IQGAP2: variants seen among roughly 807,000 people sequenced by gnomAD.
The protein encoded by IQGAP2 is ras GTPase-activating-like protein IQGAP2.
A neutral mutation model predicts 201.3 loss-of-function variants in IQGAP2; 173 were observed. That is an observed-to-expected ratio of 0.86 (90% CI 0.76 to 0.98). The LOEUF is 0.98. IQGAP2 is among the 50% of genes least tolerant of loss of function. IQGAP2 has a pLI of 0.00. For missense variants in IQGAP2, 1,687 were observed against 1,864.8 expected, an observed-to-expected ratio of 0.90 and a Z score of 1.76; for synonymous variants, 675 against 673.9, an observed-to-expected ratio of 1.00 and a Z score of -0.03.
chr5:76,460,860 C>CTT (rs61258350), intron 1 of IQGAP2, among the ~76,000 whole-genome samples: 10 of 113,544 alleles, frequency 8.8e-5, no homozygotes, highest in South Asian at 2.9e-4. Flanking sequence ...TTGCACACTG[C>CTT]TTTTTTTTTT....
intron 2 of IQGAP2, among the ~76,000 whole-genome samples, chr5:76,552,895 T>C (rs143457407): frequency 6.6e-6 from 1 of 152,354 alleles, no homozygotes; most frequent in African/African-American, 2.4e-5. Context: ...ATATGTTGAT[T>C]CTTTTCATGG....
chr5:76,693,551 G>A, intron 31 of IQGAP2, 109 bp downstream of exon 31: 1 of 727,696 alleles, frequency 1.4e-6, no homozygotes, highest in South Asian at 1.8e-5. Context: ...ACATGGTCCG[G>A]AAGTAAGGAA....
chr5:76,545,334 C>T (rs974576273), intron 2 of IQGAP2, among the ~76,000 whole-genome samples: 1 of 152,134 alleles, frequency 6.6e-6, no homozygotes, highest in African/African-American at 2.4e-5. Flanking sequence ...GTTTCCACTA[C>T]AATTTTAAAA....
chr5:76,521,779 A>G (rs1364952712), intron 2 of IQGAP2, among the ~76,000 whole-genome samples: 2 of 152,220 alleles, frequency 1.3e-5, no homozygotes, highest in Non-Finnish European at 2.9e-5. Context: ...TTGTTAGAAC[A>G]CAGATGATTG....
At chr5:76,683,286 T>C (rs1745466632) in intron 29 of IQGAP2, 69 bp downstream of exon 29, 1 of 994,668 alleles carries the variant, frequency 1.0e-6, no homozygotes, top group Non-Finnish European at 1.5e-6. Context: ...GGTTGGTTCG[T>C]TGGTTTTCCT....
intron 2 of IQGAP2, among the ~76,000 whole-genome samples, chr5:76,473,099 T>TTACAAC (rs1755211024): frequency 6.6e-6 from 1 of 152,212 alleles, no homozygotes; most frequent in African/African-American, 2.4e-5. Context: ...ACAACCTAGG[T>TTACAAC]CTTTCTGACT....
intron 21 of IQGAP2, 149 bp downstream of exon 21, chr5:76,658,816 A>G (rs996668519): frequency 2.8e-5 from 21 of 746,176 alleles, no homozygotes; most frequent in Non-Finnish European, 4.5e-5. Flanking sequence ...ACTTACCTAA[A>G]CATAGATGGT....
rs988541543 is a variant in IQGAP2 at position 76,562,646 on chromosome 5, A to T, written c.303+94A>T. On this transcript the variant is annotated intron_variant, in intron 3 of 35. Transcript: ENST00000274364. ...TTCTTTTACTCTTAGTGTTTCTGTA[A>T]GGATTTGGGGGGCTGGGGGATGTCT... 3 of 1,177,606 alleles carry T rather than the reference A, an allele frequency of 2.5e-6. No homozygotes were observed. The African/African-American group carries it at 4.6e-5, about 18-fold the overall frequency. The allele number at this position is 1,177,606 out of a possible 1,614,324, so 72.9% of individuals were successfully genotyped here. A position where few individuals can be genotyped will look rare whatever the true frequency, so the allele number is the denominator to read the frequency against.
intron 5 of IQGAP2, among the ~76,000 whole-genome samples, chr5:76,583,192 T>C (rs1745995979): frequency 6.6e-6 from 1 of 152,212 alleles, no homozygotes; most frequent in Non-Finnish European, 1.5e-5. Flanking sequence ...GTTTTTTAGA[T>C]TAAGACTTGA....
At position 76,644,295 on chromosome 5, in the gene IQGAP2, C is replaced by CTTTTTTTTTTTTTTTTT. The variant is rs547155944; in HGVS notation, c.2094+3198_2094+3214dup. 3.1e-3 allele frequency among the ~76,000 whole-genome samples: 147 copies of CTTTTTTTTTTTTTTTTT among 47,744 alleles called. 28 individuals carry two copies. The highest frequency in any genetic ancestry group is 9.3e-3 in the African/African-American group (128 of 13,836). 31.3% of individuals were successfully genotyped at this position (47,744 alleles called of 152,430 possible). On this transcript the variant is annotated intron_variant, in intron 17 of 35. Transcript: ENST00000274364. Reference sequence around the variant, plus strand: ...AATGAGACTGCCATTTTTGTAAATCCTTTTTTTTTTTTTTTTTTTTTTGAG... The same window carrying CTTTTTTTTTTTTTTTTT: ...AATGAGACTGCCATTTTTGTAAATCCTTTTTTTTTTTTTTTTTTTTTTTTTTTTTTTTTTTTTTTGAG...
chr5:76,509,170 CAT>C (rs1373081712), intron 2 of IQGAP2, among the ~76,000 whole-genome samples: 2 of 151,994 alleles, frequency 1.3e-5, no homozygotes, highest in Non-Finnish European at 1.5e-5. Flanking sequence ...GTAAATGCCA[CAT>C]GTTTATCATG....
At chr5:76,470,972 T>G (rs959217300) in intron 2 of IQGAP2, among the ~76,000 whole-genome samples, 1 of 152,212 alleles carries the variant, frequency 6.6e-6, no homozygotes, top group African/African-American at 2.4e-5. Flanking sequence ...TCCAAAAGAA[T>G]TAGTACTGCT....
At chr5:76,495,099 T>C (rs1300866411) in intron 2 of IQGAP2, among the ~76,000 whole-genome samples, 3 of 152,142 alleles carry the variant, frequency 2.0e-5, no homozygotes, top group African/African-American at 7.2e-5. Flanking sequence ...CCTATTTAAA[T>C]GTATAAAGCA....
rs181031310 is a variant in IQGAP2 at position 76,505,142 on chromosome 5, A to G, written c.146+43473A>G. The stretch of plus-strand genomic sequence containing the variant: ...TAGAGTCTTAAGTCCCACAGCAATA[A>G]GGGCTTTGTCTTTGCTTACAGTATA... On this transcript the variant is annotated intron_variant, in intron 2 of 35. Transcript: ENST00000274364. Among the ~76,000 whole-genome samples the G allele has an allele frequency of 2.6e-5, 4 of 152,324 alleles. No homozygotes were observed. In the East Asian group the frequency reaches 7.7e-4, roughly 29 times the overall value.
chr5:76,410,262 G>T (rs1362152254), intron 1 of IQGAP2, among the ~76,000 whole-genome samples: 2 of 152,144 alleles, frequency 1.3e-5, no homozygotes, highest in South Asian at 4.1e-4. Flanking sequence ...GAAGGTCAGA[G>T]GAAAACCTGA....
chr5:76,702,616 T>G (rs1330619407), intron 35 of IQGAP2, 26 bp downstream of exon 35: 2 of 1,066,150 alleles, frequency 1.9e-6, no homozygotes, highest in Admixed American at 3.4e-5. Context: ...TTCTGCACAT[T>G]GATGATAAAT....
intron 2 of IQGAP2, among the ~76,000 whole-genome samples, chr5:76,505,159 T>C (rs1423580893): frequency 6.6e-6 from 1 of 152,200 alleles, no homozygotes; most frequent in African/African-American, 2.4e-5. Context: ...TGTCTTTGCT[T>C]ACAGTATATG....
At chr5:76,587,910 C>T (rs1386789670) in intron 5 of IQGAP2, among the ~76,000 whole-genome samples, 1 of 149,270 alleles carries the variant, frequency 6.7e-6, no homozygotes, top group African/African-American at 2.5e-5. Flanking sequence ...CACGCCATTG[C>T]ACTCCAGCCT....
intron 1 of IQGAP2, among the ~76,000 whole-genome samples, chr5:76,429,083 A>AAG (rs1006925570): frequency 2.0e-5 from 3 of 151,652 alleles, no homozygotes; most frequent in Non-Finnish European, 4.4e-5. Context: ...TCTCAAAAAA[A>AAG]AAAAAAAATT....
Sources: allele counts gnomAD v4.1 joint callset (sites outside exome capture counted in the v4.1 genomes callset), GRCh38; gene constraint gnomAD v4.1.1; transcripts MANE v1.5; gene names NCBI Gene and HGNC (gene_info 2026-07-23, HGNC 2026-07-21).